The following CERS6 variants were observed in gnomAD, a reference collection of about 807,000 sequenced individuals.
The protein encoded by CERS6 is ceramide synthase 6.
CERS6 carries 26 observed loss-of-function variants against 56.8 expected under a neutral mutation model. The ratio of observed to expected loss-of-function variants is 0.46; its 90% CI spans 0.34 to 0.63. The LOEUF (loss-of-function observed/expected upper bound fraction) is 0.63. Among genes scored for constraint, CERS6 ranks in the 30% least tolerant of loss-of-function variants. The probability of loss-of-function intolerance (pLI) is 0.01; values close to 1 mark genes in which losing one functional copy is unlikely to be tolerated. For missense variants in CERS6, 415 were observed against 467.5 expected (o/e 0.89, Z 1.04); for synonymous variants, 164 against 173.3 (o/e 0.95, Z 0.42).
chr2:168,495,802 A>T (rs1694456761), intron 1 of CERS6, among the ~76,000 whole-genome samples: 1 of 152,150 alleles, frequency 6.6e-6, no homozygotes, highest in Non-Finnish European at 1.5e-5. Context: ...GGGGGGCATG[A>T]TTGTTTCCAT....
intron 3 of CERS6, among the ~76,000 whole-genome samples, chr2:168,606,688 T>C (rs1233643515): frequency 6.6e-6 from 1 of 152,168 alleles, no homozygotes; most frequent in East Asian, 1.9e-4. Context: ...CAGGTTGATA[T>C]GGTTTGGATC....
Position 168,546,095 on chromosome 2 carries a change from A to G in CERS6, c.171-1501A>G, listed in dbSNP as rs112579291. Among the ~76,000 whole-genome samples, 1,276 of 152,296 alleles carry G rather than the reference A, an allele frequency of 8.4e-3. 10 individuals carry two copies. Among genetic ancestry groups the G allele is most frequent in the African/African-American group, 0.029 (1,196 of 41,570 alleles). On this transcript the variant is annotated intron_variant, in intron 1 of 9. Transcript: ENST00000305747. ...CAAAGCAGGAAACCTTGTCAAGGAAACAAGTTCTAGACTCTGTCTTGTGGT... is the reference window on the plus strand; with the variant it reads ...CAAAGCAGGAAACCTTGTCAAGGAAGCAAGTTCTAGACTCTGTCTTGTGGT...
At chr2:168,759,932 C>A (rs978177472) in intron 8 of CERS6, among the ~76,000 whole-genome samples, 6 of 151,472 alleles carry the variant, frequency 4.0e-5, no homozygotes, top group African/African-American at 1.5e-4. Flanking sequence ...GTTTGGCCCA[C>A]AGGGTACTGT....
chr2:168,529,252 C>G (rs560191916), intron 1 of CERS6, among the ~76,000 whole-genome samples: 1 of 152,328 alleles, frequency 6.6e-6, no homozygotes, highest in South Asian at 2.1e-4. Flanking sequence ...GATTGTGAAA[C>G]AGGCACATGG....
intron 1 of CERS6, among the ~76,000 whole-genome samples, chr2:168,520,553 T>C (rs1159740359): frequency 6.6e-6 from 1 of 151,448 alleles, no homozygotes; most frequent in Admixed American, 6.6e-5. Context: ...CTAGGATCTT[T>C]ATAGTTTAAA....
chr2:168,657,302 T>A (rs1685503194), intron 4 of CERS6, among the ~76,000 whole-genome samples: 1 of 152,180 alleles, frequency 6.6e-6, no homozygotes, highest in Non-Finnish European at 1.5e-5. Context: ...TGCTGATTGG[T>A]GTATTTACAG....
intron 1 of CERS6, among the ~76,000 whole-genome samples, chr2:168,542,465 A>G (rs574948553): frequency 3.3e-5 from 5 of 152,328 alleles, no homozygotes; most frequent in African/African-American, 9.6e-5. Context: ...CAATTTTATC[A>G]CATGTGTAGG....
At position 168,610,113 on chromosome 2, in the gene CERS6, G is replaced by T. The variant is rs569982608; in HGVS notation, c.408-20872G>T. On this transcript the variant is annotated intron_variant, in intron 3 of 9. Coordinates refer to ENST00000305747, the MANE Select transcript of CERS6 (RefSeq NM_203463.3). ...CTGCTTCAGCCTCCCAAGTAGCTGG[G>T]ACTACAGGCGCCCACCACCACGCCT... Among the ~76,000 whole-genome samples the T allele has an allele frequency of 3.6e-4, 54 of 151,730 alleles. 2 individuals are homozygous for T. In the South Asian group the frequency reaches 0.011, roughly 32 times the overall value.
chr2:168,530,006 C>A (rs1695138045), intron 1 of CERS6, among the ~76,000 whole-genome samples: 1 of 151,950 alleles, frequency 6.6e-6, no homozygotes, highest in Admixed American at 6.6e-5. Flanking sequence ...CTTCTCGCAG[C>A]TATGTGTTTC....
intron 1 of CERS6, among the ~76,000 whole-genome samples, chr2:168,513,019 T>G (rs1331950433): frequency 6.6e-6 from 1 of 152,180 alleles, no homozygotes; most frequent in East Asian, 1.9e-4. Flanking sequence ...TACTTTTCTC[T>G]CATTTTTAAT....
At chr2:168,763,240 C>CTTTTTTT (rs756952701) in intron 8 of CERS6, among the ~76,000 whole-genome samples, 3 of 105,902 alleles carry the variant, frequency 2.8e-5, no homozygotes, top group South Asian at 3.4e-4. Context: ...CTCTCTCTCT[C>CTTTTTTT]TTTTTTTTTT....
At chr2:168,631,615 TA>T (rs1684734309) in intron 4 of CERS6, among the ~76,000 whole-genome samples, 2 of 118,378 alleles carry the variant, frequency 1.7e-5, no homozygotes, top group Non-Finnish European at 3.2e-5. Context: ...ATAATATATT[TA>T]ATATTTATAT....
chr2:168,713,013 GATCATTTACT>G (rs1687132811), intron 6 of CERS6, among the ~76,000 whole-genome samples: 1 of 151,810 alleles, frequency 6.6e-6, no homozygotes. Context: ...TACTATAAGA[GATCATTTACT>G]TATATTTTTT....
Position 168,561,897 on chromosome 2 carries a change from A to G in CERS6, c.407+575A>G, listed in dbSNP as rs539414130. Among the ~76,000 whole-genome samples the G allele has an allele frequency of 7.2e-5, 11 of 152,362 alleles. 1 individual carries two copies. In the South Asian group the frequency reaches 2.3e-3, roughly 32 times the overall value. ...TCAATAAGGCTGTTAAATATATTAA[A>G]GGACCCACAGAGAGCTCTTCCAGCA... On this transcript the variant is annotated intron_variant, in intron 3 of 9. Coordinates refer to ENST00000305747, the MANE Select transcript of CERS6 (RefSeq NM_203463.3).
chr2:168,708,407 A>C (rs1446474571), intron 6 of CERS6, among the ~76,000 whole-genome samples: 1 of 152,188 alleles, frequency 6.6e-6, no homozygotes, highest in Non-Finnish European at 1.5e-5. Flanking sequence ...ACTCTGTAAG[A>C]AGTCATATAC....
intron 1 of CERS6, among the ~76,000 whole-genome samples, chr2:168,502,259 T>C (rs1011661268): frequency 1.3e-5 from 2 of 152,178 alleles, no homozygotes; most frequent in Non-Finnish European, 2.9e-5. Context: ...TATAATTTTG[T>C]CTCGGGGGTT....
At chr2:168,487,243 A>G (rs927549508) in intron 1 of CERS6, among the ~76,000 whole-genome samples, 4 of 152,098 alleles carry the variant, frequency 2.6e-5, no homozygotes, top group African/African-American at 9.7e-5. Flanking sequence ...ATCTATTCCT[A>G]TAGTTTTAAC....
chr2:168,503,280 T>C (rs1466291171), intron 1 of CERS6, among the ~76,000 whole-genome samples: 3 of 152,116 alleles, frequency 2.0e-5, no homozygotes, highest in Non-Finnish European at 4.4e-5. Flanking sequence ...ATTACCCAGC[T>C]TCAGGGAAGT....
chr2:168,751,965 TTGTC>T (rs1180464304), intron 8 of CERS6, among the ~76,000 whole-genome samples: 1 of 152,190 alleles, frequency 6.6e-6, no homozygotes, highest in African/African-American at 2.4e-5. Flanking sequence ...ATCAGTGTAT[TTGTC>T]TGAGTCTCCT....
Sources: allele counts gnomAD v4.1 joint callset (sites outside exome capture counted in the v4.1 genomes callset), GRCh38; gene constraint gnomAD v4.1.1; transcripts MANE v1.5; gene names NCBI Gene and HGNC (gene_info 2026-07-23, HGNC 2026-07-21).